The following ANO4 variants were observed in gnomAD, a reference collection of about 807,000 sequenced individuals.
ANO4 encodes the protein anoctamin 4, also known as anoctamin-4.
Under a neutral mutation model 141.9 loss-of-function variants are expected in ANO4, and 69 were observed. The ratio of observed to expected loss-of-function variants is 0.49; its 90% confidence interval spans 0.40 to 0.59. ANO4 has a LOEUF of 0.59. ANO4 is among the 20% of genes least tolerant of loss of function. The probability of loss-of-function intolerance (pLI) is 0.00; values close to 1 mark genes in which losing one functional copy is unlikely to be tolerated. For synonymous variants in ANO4, 350 were observed against 394.3 expected (o/e 0.89, Z 1.33); for missense variants, 894 against 1,162.2 (o/e 0.77, Z 3.36).
At chr12:101,015,923 A>G (rs2046297867) in intron 8 of ANO4, among the ~76,000 whole-genome samples, 1 of 152,178 alleles carries the variant, frequency 6.6e-6, no homozygotes. Flanking sequence ...TGTGAGAACC[A>G]TGATATGGGG....
Position 101,083,725 on chromosome 12 carries a change from G to A in ANO4, c.1443G>A (p.Arg481=), listed in dbSNP as rs1392478333. 1 of 1,608,876 alleles carries A rather than the reference G, an allele frequency of 6.2e-7. No individual in the cohort carries two copies. Among genetic ancestry groups the A allele is most frequent in the Non-Finnish European group, 8.5e-7 (1 of 1,178,878 alleles). ...AAGCCAAGTATTCCAAGAAAGAGCG[G>A]ATGAATCCAATTTCTGGAAAGCCAG... ...QFEAKYSKKE[R]MNPISGKPEP... is the part of the protein sequence containing the mutation. The change falls in exon 16 of 28, where the codon CGG becomes CGA. Residue 481 remains arginine, a synonymous_variant. Transcript: ENST00000392977.
chr12:101,073,595 T>TAATAATAATAATAATAAA (rs1392541869), intron 14 of ANO4, among the ~76,000 whole-genome samples: 1 of 146,556 alleles, frequency 6.8e-6, no homozygotes, highest in South Asian at 2.2e-4. Context: ...ATAATAATAA[T>TAATAATAATAATAATAAA]AAAAGAAAAT....
intron 3 of ANO4, among the ~76,000 whole-genome samples, chr12:100,748,091 C>T (rs1185259404): frequency 6.6e-6 from 1 of 152,052 alleles, no homozygotes; most frequent in South Asian, 2.1e-4. Context: ...GTGACCTTAC[C>T]GAGCTTACTG....
intron 8 of ANO4, among the ~76,000 whole-genome samples, chr12:101,017,715 A>G (rs966754910): frequency 3.9e-5 from 6 of 152,174 alleles, no homozygotes; most frequent in African/African-American, 1.4e-4. Flanking sequence ...TAGCTCAGTG[A>G]CGTTGGGTGC....
At position 100,826,093 on chromosome 12, in the gene ANO4, C is replaced by T. The variant is rs189063914; in HGVS notation, c.-141+31066C>T. Among the ~76,000 whole-genome samples, 129 of 152,064 alleles carry T rather than the reference C, an allele frequency of 8.5e-4. No individual in the cohort carries two copies. The South Asian group carries it at 9.3e-3, about 11-fold the overall frequency. ...TGGGCAAGTTAGTTGCACTTTTCTC[C>T]GCTCTTTTGTGGTTGATGTGGTATT... is the stretch of plus-strand genomic sequence containing the variant. On this transcript the variant is annotated intron_variant, in intron 1 of 27. Transcript: ENST00000392977.
chr12:100,967,105 T>C (rs1458227304), intron 5 of ANO4, among the ~76,000 whole-genome samples: 5 of 152,136 alleles, frequency 3.3e-5, no homozygotes, highest in Non-Finnish European at 7.3e-5. Context: ...GAATCTTATC[T>C]CTTTTTACTC....
At chr12:100,924,607 A>C (rs2041785232) in intron 3 of ANO4, among the ~76,000 whole-genome samples, 1 of 152,264 alleles carries the variant, frequency 6.6e-6, no homozygotes, top group African/African-American at 2.4e-5. Context: ...AAAAGAGAAA[A>C]AATTTCCACA....
intron 1 of ANO4, among the ~76,000 whole-genome samples, chr12:100,883,283 A>G (rs926606721): frequency 6.6e-6 from 1 of 152,248 alleles, no homozygotes; most frequent in African/African-American, 2.4e-5. Context: ...AGAGTGAAGT[A>G]GGAGAACTTC....
chr12:100,974,973 G>T, intron 7 of ANO4, 84 bp downstream of exon 7: 1 of 1,493,784 alleles, frequency 6.7e-7, no homozygotes, highest in Non-Finnish European at 9.3e-7. Context: ...ATAAGCTGGG[G>T]AAGATGAGCC....
At chr12:100,959,359 A>G (rs981688920) in intron 5 of ANO4, among the ~76,000 whole-genome samples, 1 of 151,978 alleles carries the variant, frequency 6.6e-6, no homozygotes, top group Non-Finnish European at 1.5e-5. Flanking sequence ...CTCTCTACTC[A>G]GTTGTTACAA....
chr12:100,819,051 A>G (rs928038945), intron 1 of ANO4, among the ~76,000 whole-genome samples: 11 of 141,576 alleles, frequency 7.8e-5, no homozygotes, highest in East Asian at 2.0e-4. Flanking sequence ...ATATATGTGT[A>G]TATATATATG....
chr12:101,074,052 A>G (rs2048930845), intron 14 of ANO4, among the ~76,000 whole-genome samples: 1 of 152,144 alleles, frequency 6.6e-6, no homozygotes, highest in Admixed American at 6.5e-5. Flanking sequence ...TGTGAGGGAA[A>G]TGGTAGACAG....
At chr12:101,023,202 G>A (rs989629201) in intron 9 of ANO4, among the ~76,000 whole-genome samples, 19 of 152,158 alleles carry the variant, frequency 1.2e-4, no homozygotes, top group Admixed American at 3.9e-4. Context: ...CTAATTTTGC[G>A]TCTCAAAATG....
At chr12:100,813,831 C>G (rs1432818851) in intron 1 of ANO4, among the ~76,000 whole-genome samples, 1 of 152,112 alleles carries the variant, frequency 6.6e-6, no homozygotes, top group Non-Finnish European at 1.5e-5. Context: ...ATCCTATAAG[C>G]TTATGATGAA....
At chr12:100,717,276 C>T (rs950773451), upstream of ANO4, among the ~76,000 whole-genome samples, 3 of 151,970 alleles carry the variant, frequency 2.0e-5, no homozygotes, top group East Asian at 3.9e-4. Flanking sequence ...CCGCGGGGAC[C>T]CGGAGCGCGG....
chr12:100,806,523 CGTTTTTTTTTTTTTTTTT>C lies in ANO4; in HGVS notation c.-141+11497_-141+11514del, dbSNP rs1363133799. Among the ~76,000 whole-genome samples the C allele has an allele frequency of 7.0e-3, 315 of 44,964 alleles. 8 individuals are homozygous for C. Among genetic ancestry groups the C allele is most frequent in the Middle Eastern group, 0.044 (4 of 90 alleles). The allele number at this position is 44,964 out of a possible 152,430, so 29.5% of individuals were successfully genotyped here. Reference sequence around the variant, plus strand: ...TTTTTAGGAGGTTTTTTTTTTGTTTCGTTTTTTTTTTTTTTTTTTTTTTTTTTTTTTTTTTTTGTGAGA... The same window carrying C: ...TTTTTAGGAGGTTTTTTTTTTGTTTCTTTTTTTTTTTTTTTTTTTGTGAGA... On this transcript the variant is annotated intron_variant, in intron 1 of 27. Transcript: ENST00000392977.
chr12:100,844,219 G>C (rs74887017), intron 1 of ANO4, among the ~76,000 whole-genome samples: 1 of 152,094 alleles, frequency 6.6e-6, no homozygotes, highest in Non-Finnish European at 1.5e-5. Context: ...AATGGAATGG[G>C]TAGTGCAAAG....
At chr12:100,817,564 AG>A (rs1366656422) in intron 1 of ANO4, among the ~76,000 whole-genome samples, 1 of 151,978 alleles carries the variant, frequency 6.6e-6, no homozygotes, top group Admixed American at 6.6e-5. Flanking sequence ...TCCTTACCAA[AG>A]GATGGGAAAA....
At chr12:101,016,328 C>G (rs142826521) in intron 8 of ANO4, among the ~76,000 whole-genome samples, 29 of 151,938 alleles carry the variant, frequency 1.9e-4, no homozygotes, top group African/African-American at 5.8e-4. Flanking sequence ...AGAGTGGGAG[C>G]AAGGGCAAGG....
Sources: allele counts gnomAD v4.1 joint callset (sites outside exome capture counted in the v4.1 genomes callset), GRCh38; gene constraint gnomAD v4.1.1; transcripts MANE v1.5; gene names NCBI Gene and HGNC (gene_info 2026-07-23, HGNC 2026-07-21).